The following TRPA1 variants were observed in gnomAD, a reference collection of about 807,000 sequenced individuals.
TRPA1 encodes the protein transient receptor potential cation channel subfamily A member 1, also known as ankyrin-like with transmembrane domains 1.
In TRPA1, 129 loss-of-function variants were observed where a neutral mutation model predicts 131.3. The ratio of observed to expected loss-of-function variants is 0.98; its 90% CI spans 0.85 to 1.14. TRPA1 has a LOEUF of 1.14. TRPA1 is among the 50% of genes most tolerant of loss of function. The probability of loss-of-function intolerance (pLI) is 0.00; values close to 1 mark genes in which losing one functional copy is unlikely to be tolerated. For synonymous variants in TRPA1, 441 were observed against 451.7 expected, an observed-to-expected ratio of 0.98 and a Z score of 0.30; for missense variants, 1,304 against 1,354.2, an observed-to-expected ratio of 0.96 and a Z score of 0.58.
upstream of TRPA1, among the ~76,000 whole-genome samples, chr8:72,079,451 T>C (rs1806249335): frequency 6.6e-6 from 1 of 151,986 alleles, no homozygotes; most frequent in South Asian, 2.1e-4. Flanking sequence ...TTACTAGTTG[T>C]TAAAAAAACT....
intron 3 of TRPA1, among the ~76,000 whole-genome samples, chr8:72,066,111 T>G (rs1413814639): frequency 6.6e-6 from 1 of 152,200 alleles, no homozygotes; most frequent in Admixed American, 6.5e-5. Flanking sequence ...TTTTGTGTGG[T>G]GTAACCCAAT....
chr8:72,050,507 A>G (rs897174155), intron 15 of TRPA1, among the ~76,000 whole-genome samples: 4 of 152,216 alleles, frequency 2.6e-5, no homozygotes, highest in African/African-American at 4.8e-5. Flanking sequence ...AAGCTTTACC[A>G]GCCAACAAAC....
At chr8:72,070,773 C>A (rs1324677584) in intron 2 of TRPA1, among the ~76,000 whole-genome samples, 2 of 152,240 alleles carry the variant, frequency 1.3e-5, no homozygotes, top group African/African-American at 4.8e-5. Flanking sequence ...CACATTTCCA[C>A]TGTCTCAGTG....
Position 72,061,653 on chromosome 8 carries a change from C to T in TRPA1, c.916G>A (p.Asp306Asn), listed in dbSNP as rs372574035. ...TGAAGCATGGTCTCATGACATCCAT[C>T]GGTTGTGTTAACAATATCCACGCTA... ...SGSVDIVNTT[D>N]GCHETMLHRA... Residue 306 changes from aspartate (D) to asparagine (N), a missense_variant, in exon 7 of 27, where the codon GAT (aspartate) becomes AAT (asparagine). Coordinates refer to ENST00000262209, the MANE Select transcript of TRPA1 (RefSeq NM_007332.3). 2.4e-5 allele frequency: 39 copies of T among 1,613,996 alleles called. No homozygotes were observed. In the East Asian group the frequency reaches 2.5e-4, roughly 10 times the overall value.
intron 3 of TRPA1, among the ~76,000 whole-genome samples, chr8:72,066,153 C>T (rs1279906801): frequency 6.6e-6 from 1 of 152,144 alleles, no homozygotes; most frequent in Admixed American, 6.5e-5. Flanking sequence ...TGGAAACTTT[C>T]TCTACAATGT....
intron 3 of TRPA1, among the ~76,000 whole-genome samples, chr8:72,068,817 C>T (rs563029580): frequency 8.6e-5 from 13 of 152,006 alleles, no homozygotes; most frequent in East Asian, 1.9e-4. Flanking sequence ...TGAAAATGCC[C>T]GGTAAATAAG....
intron 23 of TRPA1, among the ~76,000 whole-genome samples, chr8:72,031,642 C>A (rs1220334229): frequency 5.9e-5 from 9 of 151,680 alleles, no homozygotes. Flanking sequence ...AAAAACTAAC[C>A]CCAAAACTAA....
chr8:72,087,276 A>T, the TRPA1 span, among the ~76,000 whole-genome samples: 1 of 152,220 alleles, frequency 6.6e-6, no homozygotes, highest in Non-Finnish European at 1.5e-5. Context: ...CTCTGTTGAA[A>T]TCAGGCATGG....
At chr8:72,040,689 T>A (rs539039047) in intron 17 of TRPA1, among the ~76,000 whole-genome samples, 2 of 152,184 alleles carry the variant, frequency 1.3e-5, no homozygotes, top group East Asian at 3.9e-4. Flanking sequence ...GGACCACTGA[T>A]AACAAAGTAG....
rs753104826 is a variant in TRPA1, at chr8:72,061,736, A to T, written c.833T>A (p.Phe278Tyr). 1.2e-6 allele frequency: 2 copies of T among 1,613,940 alleles called. No homozygotes were observed. Among genetic ancestry groups the T allele is most frequent in the East Asian group, 4.5e-5 (2 of 44,876 alleles). The change falls in exon 7 of 27, where the codon TTT becomes TAT. Residue 278 changes from phenylalanine (F) to tyrosine (Y), a missense_variant. Coordinates refer to ENST00000262209, the MANE Select transcript of TRPA1 (RefSeq NM_007332.3). The part of the protein sequence containing the change: ...VEKGRCTAIH[F>Y]AATQGATEIV... ...CTCAGTGGCTCCCTGGGTGGCAGCA[A>T]AATGAATGGCTGTGCACCTTCCCTT...
At chr8:72,071,976 C>CTTA (rs1408083857) in intron 1 of TRPA1, 109 bp from the exon 2 acceptor site, 37 of 974,484 alleles carry the variant, frequency 3.8e-5, no homozygotes, top group Non-Finnish European at 4.8e-5. Flanking sequence ...ATCTATCATG[C>CTTA]TTATATGAGG....
At chr8:72,039,236 T>C (rs1257852069) in intron 18 of TRPA1, among the ~76,000 whole-genome samples, 1 of 152,040 alleles carries the variant, frequency 6.6e-6, no homozygotes, top group Non-Finnish European at 1.5e-5. Flanking sequence ...AACAAATTAA[T>C]GAAAGAGCCA....
At position 72,022,932 on chromosome 8, in the gene TRPA1, C is replaced by T; in HGVS notation, c.3334G>A (p.Ala1112Thr). 1 of 1,613,706 alleles carries T rather than the reference C, an allele frequency of 6.2e-7. No homozygotes were observed. The highest frequency in any genetic ancestry group is 8.5e-7 in the Non-Finnish European group (1 of 1,179,792). Residue 1112 changes from alanine (A) to threonine (T), a missense_variant, in exon 27 of 27, where the codon GCA becomes ACA. By Grantham distance (58) the Ala-to-Thr change is moderately conservative (BLOSUM62 0). Transcript: ENST00000262209. ...TAAGGCTCAAGATGGTGTGTTTTTG[C>T]CTTGACTGCTCTCAACACAGTATTC... ...RWNTVLRAVK[A>T]KTHHLEP
At position 72,065,529 on chromosome 8, in the gene TRPA1, A is replaced by G. The variant is rs1230984356; in HGVS notation, c.474T>C (p.Val158=). The change falls in exon 4 of 27, where the codon GTT becomes GTC. Residue 158 remains valine, a synonymous_variant. Coordinates refer to ENST00000262209, the MANE Select transcript of TRPA1 (RefSeq NM_007332.3). ...TGTTTCCATTTTCTCCTTCCAAATTAACATCAATAGTTCTATGCTCAAGCA... is the reference window on the plus strand; with the variant it reads ...TGTTTCCATTTTCTCCTTCCAAATTGACATCAATAGTTCTATGCTCAAGCA... ...KVLLEHRTID[V]NLEGENGNTA... is the part of the protein sequence containing the mutation. 4.3e-6 allele frequency: 7 copies of G among 1,613,352 alleles called. No individual in the cohort carries two copies. Among genetic ancestry groups the G allele is most frequent in the Non-Finnish European group, 5.9e-6 (7 of 1,179,648 alleles).
At chr8:72,035,212 G>T (rs1811987841) in intron 21 of TRPA1, among the ~76,000 whole-genome samples, 1 of 152,162 alleles carries the variant, frequency 6.6e-6, no homozygotes, top group African/African-American at 2.4e-5. Flanking sequence ...AGATTCTAAA[G>T]CTGAAAGGGA....
chr8:72,043,075 A>G (rs542703271), intron 17 of TRPA1, among the ~76,000 whole-genome samples: 111 of 152,008 alleles, frequency 7.3e-4, no homozygotes, highest in African/African-American at 2.4e-3. Context: ...TACCACAAGT[A>G]AAAAAGAAGA....
chr8:72,025,449 C>T (rs1292077116), intron 25 of TRPA1, among the ~76,000 whole-genome samples: 1 of 152,226 alleles, frequency 6.6e-6, no homozygotes, highest in East Asian at 1.9e-4. Flanking sequence ...GTCAATTAAA[C>T]CTCTTTCCTT....
At chr8:72,075,594 T>C, upstream of TRPA1, 8 of 611,478 alleles carry the variant, frequency 1.3e-5, no homozygotes, top group Non-Finnish European at 2.0e-5. Flanking sequence ...GAAGGAGTTC[T>C]CAGGCCCGCG....
chr8:72,036,395 G>T lies in TRPA1; in HGVS notation c.2448C>A (p.Ile816=). The change falls in exon 21 of 27, where the codon ATC becomes ATA. Residue 816 remains isoleucine (I), a synonymous_variant. Transcript: ENST00000262209. ...VLEWIIYTTG[I]IFVLPLFVEI... ...CAACAAACAAGGGCAGCACAAAAATGATGCCCGTCGTGTAGATAATCCATT... is the reference window on the plus strand; with the variant it reads ...CAACAAACAAGGGCAGCACAAAAATTATGCCCGTCGTGTAGATAATCCATT... The T allele has an allele frequency of 1.9e-6, 3 of 1,614,172 alleles. No homozygotes were observed. Among genetic ancestry groups the T allele is most frequent in the African/African-American group, 2.7e-5 (2 of 75,064 alleles).
Sources: allele counts gnomAD v4.1 joint callset (sites outside exome capture counted in the v4.1 genomes callset), GRCh38; gene constraint gnomAD v4.1.1; transcripts MANE v1.5; gene names NCBI Gene and HGNC (gene_info 2026-07-23, HGNC 2026-07-21).